Variants in ETFDH observed in about 807,000 individuals in gnomAD.
ETFDH encodes electron transfer flavoprotein dehydrogenase.
Under a neutral mutation model 73.2 loss-of-function variants are expected in ETFDH, and 61 were observed. The observed-to-expected ratio is 0.83, with a 90% confidence interval of 0.68 to 1.03. The LOEUF (loss-of-function observed/expected upper bound fraction) is 1.03, where lower values mean the gene tolerates loss of function less well. Ranked by LOEUF, ETFDH falls within the 50% of genes least tolerant of loss-of-function variation. The pLI, the probability that ETFDH is intolerant of heterozygous loss-of-function variation, is 0.00. For missense variants in ETFDH, 685 were observed against 745.0 expected (o/e 0.92, Z 0.94); for synonymous variants, 243 against 253.3 (o/e 0.96, Z 0.39).
chr4:158,690,534 C>T (rs549990787), intron 6 of ETFDH, 109 bp downstream of exon 6: 118 of 790,012 alleles, frequency 1.5e-4, no homozygotes, highest in African/African-American at 9.3e-4. Flanking sequence ...ACAAAATTAG[C>T]TGGGCTTCGT....
intron 7 of ETFDH, among the ~76,000 whole-genome samples, chr4:158,697,102 ATTTTTTTTTT>A (rs1255361322): frequency 6.8e-6 from 1 of 147,592 alleles, no homozygotes; most frequent in East Asian, 2.0e-4. Flanking sequence ...TTATTTTTTT[ATTTTTTTTTT>A]GAGACTGAGT....
intron 1 of ETFDH, among the ~76,000 whole-genome samples, chr4:158,676,698 T>C (rs1401357623): frequency 6.6e-6 from 1 of 152,230 alleles, no homozygotes; most frequent in Non-Finnish European, 1.5e-5. Flanking sequence ...TTCTCAGTTA[T>C]AATTTTTGCA....
chr4:158,699,754 A>G (rs1486232334), intron 9 of ETFDH, among the ~76,000 whole-genome samples: 1 of 152,208 alleles, frequency 6.6e-6, no homozygotes, highest in Non-Finnish European at 1.5e-5. Flanking sequence ...CCAACTACCT[A>G]GTAACATTCA....
chr4:158,688,546 A>G (rs4516669), intron 5 of ETFDH, among the ~76,000 whole-genome samples: 142,370 of 151,690 alleles, frequency 0.94, 67,159 homozygotes, highest in East Asian at 1. Context: ...GGTGGTGGGC[A>G]CCTGTAGTCC....
chr4:158,680,668 G>A (rs1169531148), intron 2 of ETFDH, 61 bp downstream of exon 2: 5 of 1,352,804 alleles, frequency 3.7e-6, no homozygotes, highest in East Asian at 4.6e-5. Context: ...TTCATTTTGT[G>A]GAGGAGAGTA....
intron 10 of ETFDH, among the ~76,000 whole-genome samples, chr4:158,704,500 A>C (rs547630699): frequency 3.0e-4 from 45 of 152,310 alleles, no homozygotes; most frequent in African/African-American, 8.9e-4. Context: ...TAGCACTCAC[A>C]GTGGCCCTGC....
At chr4:158,691,659 T>G (rs1479433632) in intron 6 of ETFDH, among the ~76,000 whole-genome samples, 1 of 152,220 alleles carries the variant, frequency 6.6e-6, no homozygotes, top group Non-Finnish European at 1.5e-5. Context: ...GACATGATTT[T>G]AACATCTTTT....
At chr4:158,707,847 T>C (rs1313763980) in intron 12 of ETFDH, among the ~76,000 whole-genome samples, 2 of 152,224 alleles carry the variant, frequency 1.3e-5, no homozygotes, top group African/African-American at 2.4e-5. Flanking sequence ...CTGTATCTTC[T>C]GTGAAAGAGG....
intron 3 of ETFDH, 71 bp from the exon 4 acceptor site, chr4:158,684,521 G>T: frequency 1.1e-6 from 1 of 884,414 alleles, no homozygotes; most frequent in Non-Finnish European, 1.8e-6. Flanking sequence ...ACATTTTATA[G>T]TTTTTTTGTA....
At chr4:158,703,867 C>T (rs972556608) in intron 10 of ETFDH, among the ~76,000 whole-genome samples, 2 of 152,162 alleles carry the variant, frequency 1.3e-5, no homozygotes, top group African/African-American at 4.8e-5. Flanking sequence ...TAGGCTGAGG[C>T]GGGTGGATCA....
chr4:158,680,126 G>A (rs746280668), intron 1 of ETFDH: 2 of 140,978 alleles, frequency 1.4e-5, no homozygotes, highest in African/African-American at 5.4e-5. Flanking sequence ...AGAAGATACT[G>A]CCTTAAGAAC....
chr4:158,699,270 A>G, intron 9 of ETFDH, 140 bp downstream of exon 9: 1 of 766,674 alleles, frequency 1.3e-6, no homozygotes, highest in Non-Finnish European at 2.2e-6. Context: ...TGTGTCACAC[A>G]ATACTTCAAT....
chr4:158,701,670 C>T (rs997459813), intron 9 of ETFDH, among the ~76,000 whole-genome samples: 2 of 152,162 alleles, frequency 1.3e-5, no homozygotes, highest in Non-Finnish European at 2.9e-5. Flanking sequence ...CTCTGAGTCC[C>T]TCTTAATACC....
At position 158,680,566 on chromosome 4, in the gene ETFDH, A is replaced by G; in HGVS notation, c.134A>G (p.His45Arg). The G allele has an allele frequency of 6.2e-7, 1 of 1,608,902 alleles. No homozygotes were observed. Among genetic ancestry groups the G allele is most frequent in the Non-Finnish European group, 8.5e-7 (1 of 1,175,328 alleles). The change falls in exon 2 of 13, where the codon CAT becomes CGT. Residue 45 changes from histidine (H) to arginine (R), a missense_variant. His to Arg is a conservative substitution (Grantham distance 29, BLOSUM62 0). This residue lies in a region of ETFDH where 405 missense variants were observed against 399.3 expected (regional missense o/e 1.01). Transcript: ENST00000511912. ...TCTACTGTGCCTCGAATTACTACCC[A>G]TTATACTATTTATCCCCGGGATAAG... ...STSTVPRITT[H>R]YTIYPRDKDK...
At chr4:158,683,524 A>ATAT (rs1773918709) in intron 3 of ETFDH, among the ~76,000 whole-genome samples, 2 of 152,346 alleles carry the variant, frequency 1.3e-5, no homozygotes, top group Admixed American at 1.3e-4. Flanking sequence ...TTGAATTAAC[A>ATAT]CTGACATAAT....
At chr4:158,688,263 G>A (rs1035029029) in intron 5 of ETFDH, among the ~76,000 whole-genome samples, 6 of 151,324 alleles carry the variant, frequency 4.0e-5, no homozygotes, top group South Asian at 4.2e-4. Flanking sequence ...GTGGTGGCAG[G>A]CGCCTGTAGT....
intron 8 of ETFDH, among the ~76,000 whole-genome samples, chr4:158,698,536 A>G (rs937660784): frequency 5.3e-5 from 8 of 152,126 alleles, no homozygotes; most frequent in Admixed American, 2.6e-4. Context: ...GTACTGTAGT[A>G]TAGATTATTA....
intron 1 of ETFDH, among the ~76,000 whole-genome samples, chr4:158,677,538 A>G (rs1773741052): frequency 6.6e-6 from 1 of 152,248 alleles, no homozygotes; most frequent in Non-Finnish European, 1.5e-5. Context: ...CAGAATGTAA[A>G]TGTTCCTCAC....
intron 10 of ETFDH, 133 bp from the exon 11 acceptor site, chr4:158,706,055 TG>T: frequency 1.4e-6 from 1 of 697,438 alleles, no homozygotes; most frequent in Non-Finnish European, 2.6e-6. Flanking sequence ...TACTCCAACC[TG>T]GGTGACAGAG....
Sources: gnomAD v4.1 joint callset for allele counts (sites outside exome capture counted in the v4.1 genomes callset) on GRCh38, gnomAD v4.1.1 for gene constraint, gnomAD v4.1.1 regional missense constraint, MANE v1.5 for transcripts, NCBI Gene and HGNC (gene_info 2026-07-23, HGNC 2026-07-21) for gene names.